RHBDD1: variants seen among roughly 807,000 people sequenced by gnomAD.
The protein encoded by RHBDD1 is rhomboid-related protein 4.
A neutral mutation model predicts 36.3 loss-of-function variants in RHBDD1; 38 were observed. The ratio of observed to expected loss-of-function variants is 1.05; its 90% CI spans 0.81 to 1.37. The LOEUF (loss-of-function observed/expected upper bound fraction) is 1.37. RHBDD1 is among the 40% of genes most tolerant of loss of function. RHBDD1 has a pLI of 0.00. For synonymous variants in RHBDD1, 151 were observed against 136.5 expected (o/e 1.11, Z -0.74); for missense variants, 393 against 377.6 (o/e 1.04, Z -0.34).
chr2:226,890,787 T>C (rs1031565299), intron 5 of RHBDD1, among the ~76,000 whole-genome samples: 7 of 152,194 alleles, frequency 4.6e-5, no homozygotes, highest in Admixed American at 1.3e-4. Context: ...TCCATAAATA[T>C]ATATTCCTAT....
the RHBDD1 span, among the ~76,000 whole-genome samples, chr2:226,829,196 G>A: frequency 1.3e-5 from 2 of 152,096 alleles, no homozygotes; most frequent in Non-Finnish European, 2.9e-5. Context: ...TGACCACATA[G>A]GGGGTTATTT....
chr2:226,926,025 G>A (rs1245225737), intron 8 of RHBDD1, among the ~76,000 whole-genome samples: 1 of 152,076 alleles, frequency 6.6e-6, no homozygotes, highest in Admixed American at 6.6e-5. Context: ...TGAACCCTCT[G>A]ACAGGTTGGA....
chr2:226,839,309 AAAAC>A (rs550681694), intron 2 of RHBDD1, 96 bp from the exon 3 acceptor site: 70 of 152,354 alleles, frequency 4.6e-4, no homozygotes, highest in Non-Finnish European at 7.6e-4. Flanking sequence ...GTTCTTTAAA[AAAAC>A]TATTAAAAAC....
chr2:226,929,878 C>G (rs1382445941), intron 8 of RHBDD1, among the ~76,000 whole-genome samples: 1 of 151,940 alleles, frequency 6.6e-6, no homozygotes, highest in East Asian at 1.9e-4. Context: ...AAATCCAAAA[C>G]TCAACCCCTT....
chr2:226,936,954 A>G (rs1053615178), intron 8 of RHBDD1, among the ~76,000 whole-genome samples: 11 of 152,054 alleles, frequency 7.2e-5, no homozygotes, highest in African/African-American at 2.7e-4. Flanking sequence ...TCATTGCTTT[A>G]CTTATCAATA....
chr2:226,898,141 A>G (rs1947280619), intron 5 of RHBDD1, among the ~76,000 whole-genome samples: 1 of 152,170 alleles, frequency 6.6e-6, no homozygotes. Context: ...CTACCTCCCT[A>G]TACTCCTACA....
the RHBDD1 span, among the ~76,000 whole-genome samples, chr2:226,810,063 A>G: frequency 6.6e-6 from 1 of 152,216 alleles, no homozygotes; most frequent in Non-Finnish European, 1.5e-5. Flanking sequence ...ATGCTTGAAC[A>G]ATGCAGGCAT....
intron 3 of RHBDD1, among the ~76,000 whole-genome samples, chr2:226,845,513 A>G (rs1386240330): frequency 6.6e-6 from 1 of 152,214 alleles, no homozygotes; most frequent in Admixed American, 6.5e-5. Flanking sequence ...ACCCTTGTAT[A>G]TAATTTTGGC....
chr2:226,933,207 G>A (rs1950139048), intron 8 of RHBDD1, among the ~76,000 whole-genome samples: 1 of 152,088 alleles, frequency 6.6e-6, no homozygotes, highest in African/African-American at 2.4e-5. Flanking sequence ...TGAGATTTGG[G>A]TGGGGGCACA....
chr2:226,958,706 G>C (rs1330381152), intron 8 of RHBDD1, among the ~76,000 whole-genome samples: 1 of 99,830 alleles, frequency 1.0e-5, no homozygotes, highest in East Asian at 2.7e-4. Context: ...ATTTTTCTGT[G>C]TGTGTGTGTG....
At chr2:226,914,867 C>T (rs552136179) in intron 8 of RHBDD1, among the ~76,000 whole-genome samples, 8 of 151,964 alleles carry the variant, frequency 5.3e-5, no homozygotes, top group South Asian at 2.1e-4. Context: ...TTTTATAAAC[C>T]GATATCTGAA....
intron 3 of RHBDD1, among the ~76,000 whole-genome samples, chr2:226,851,840 T>C (rs552750649): frequency 1.1e-4 from 16 of 152,336 alleles, no homozygotes; most frequent in African/African-American, 3.4e-4. Flanking sequence ...CTGAAACCAA[T>C]GCTCATGTAG....
rs373362590 is a variant in RHBDD1, at chr2:226,872,028, T to C, written c.566+4710T>C. Among the ~76,000 whole-genome samples the C allele has an allele frequency of 4.6e-5, 7 of 152,304 alleles. No individual in the cohort carries two copies. In the South Asian group the frequency reaches 8.3e-4, roughly 18 times the overall value. ...CTGGATTGTTTATTTTAGGGGGAAT[T>C]ATAAAGGATGACTTCTTCATTGGTT... On this transcript the variant is annotated intron_variant, in intron 5 of 8. Coordinates refer to ENST00000392062, the MANE Select transcript of RHBDD1 (RefSeq NM_001167608.3).
chr2:226,812,062 C>T, the RHBDD1 span, among the ~76,000 whole-genome samples: 1 of 152,200 alleles, frequency 6.6e-6, no homozygotes, highest in African/African-American at 2.4e-5. Flanking sequence ...CCCATACCCA[C>T]CTTTTAAATT....
rs561963913 is a variant in RHBDD1, at chr2:226,893,890, G to A, written c.567-12903G>A. 7.2e-5 allele frequency among the ~76,000 whole-genome samples: 11 copies of A among 152,282 alleles called. No individual in the cohort carries two copies. The South Asian group carries it at 2.1e-3, about 29-fold the overall frequency. ...CCCAGTCTGTCGAAAGGACATTCTT[G>A]TAAATGAAAAACCTGTTTGTGGTTA... On this transcript the variant is annotated intron_variant, in intron 5 of 8. Transcript: ENST00000392062.
chr2:226,867,708 T>TTTA lies in RHBDD1; in HGVS notation c.566+405_566+407dup, dbSNP rs141478946. On this transcript the variant is annotated intron_variant, in intron 5 of 8. Coordinates refer to ENST00000392062, the MANE Select transcript of RHBDD1 (RefSeq NM_001167608.3). ...TATAAGGTATGTTGATCTAATGCTT[T>TTTA]TTATTATTATTATTATTCTTTTTTT... 494 of 921,152 alleles carry TTTA rather than the reference T, an allele frequency of 5.4e-4. 1 individual carries two copies. The African/African-American group carries it at 7.7e-3, about 14-fold the overall frequency. 57.1% of individuals were successfully genotyped at this position (921,152 alleles called of 1,614,324 possible). A position where few individuals can be genotyped will look rare whatever the true frequency, so the allele number is the denominator to read the frequency against.
intron 3 of RHBDD1, among the ~76,000 whole-genome samples, chr2:226,850,758 T>C (rs1942728566): frequency 6.6e-6 from 1 of 152,160 alleles, no homozygotes; most frequent in South Asian, 2.1e-4. Flanking sequence ...TCCACTAAGA[T>C]TGTGTGAAAT....
intron 5 of RHBDD1, among the ~76,000 whole-genome samples, chr2:226,886,616 A>T (rs545729536): frequency 6.6e-6 from 1 of 152,354 alleles, no homozygotes; most frequent in Admixed American, 6.5e-5. Flanking sequence ...TTCTCTAAAA[A>T]TACAGAATTT....
chr2:226,842,500 A>G (rs1290000411), intron 3 of RHBDD1, among the ~76,000 whole-genome samples: 1 of 152,214 alleles, frequency 6.6e-6, no homozygotes, highest in East Asian at 1.9e-4. Context: ...AGTTTTCTGC[A>G]TATGGCTACC....
Sources: allele counts gnomAD v4.1 joint callset (sites outside exome capture counted in the v4.1 genomes callset), GRCh38; gene constraint gnomAD v4.1.1; transcripts MANE v1.5; gene names NCBI Gene and HGNC (gene_info 2026-07-23, HGNC 2026-07-21).